Variants in PLEKHH2 observed in about 807,000 individuals in gnomAD.
The protein encoded by PLEKHH2 is pleckstrin homology domain-containing family H member 2.
Under a neutral mutation model 187.9 loss-of-function variants are expected in PLEKHH2, and 129 were observed. The ratio of observed to expected loss-of-function variants is 0.69; its 90% CI spans 0.59 to 0.79. The LOEUF is 0.79. Among genes scored for constraint, PLEKHH2 ranks in the 30% least tolerant of loss-of-function variants. The pLI is 0.00. For synonymous variants in PLEKHH2, 686 were observed against 605.6 expected, an observed-to-expected ratio of 1.13 and a Z score of -1.95; for missense variants, 2,076 against 1,751.2, an observed-to-expected ratio of 1.19 and a Z score of -3.31.
intron 24 of PLEKHH2, among the ~76,000 whole-genome samples, chr2:43,747,846 A>G (rs1671842409): frequency 6.6e-6 from 1 of 152,228 alleles, no homozygotes; most frequent in Non-Finnish European, 1.5e-5. Flanking sequence ...TAAGAATTGA[A>G]GGCACTGTAC....
intron 14 of PLEKHH2, 102 bp from the exon 15 acceptor site, chr2:43,712,123 G>T (rs1372778079): frequency 1.4e-6 from 2 of 1,421,420 alleles, no homozygotes; most frequent in African/African-American, 1.4e-5. Context: ...TAGCATGTTT[G>T]CTTCTGTGTT....
chr2:43,648,180 TTTTGTTTG>T (rs927200488), intron 2 of PLEKHH2, among the ~76,000 whole-genome samples: 38 of 151,966 alleles, frequency 2.5e-4, no homozygotes, highest in Non-Finnish European at 4.6e-4. Flanking sequence ...TTCTGGTTTT[TTTTGTTTG>T]TTTGTTTGTT....
chr2:43,694,779 T>C (rs1669007673), intron 5 of PLEKHH2, among the ~76,000 whole-genome samples: 1 of 152,176 alleles, frequency 6.6e-6, no homozygotes, highest in South Asian at 2.1e-4. Context: ...TTTCAAATAA[T>C]AATAGGACAT....
chr2:43,659,345 C>T (rs558538538), intron 2 of PLEKHH2, among the ~76,000 whole-genome samples: 1 of 151,804 alleles, frequency 6.6e-6, no homozygotes, highest in Non-Finnish European at 1.5e-5. Flanking sequence ...TTGTTTAACA[C>T]CTCCCTGCTG....
intron 2 of PLEKHH2, among the ~76,000 whole-genome samples, chr2:43,645,974 T>C (rs1239527016): frequency 1.3e-5 from 2 of 152,136 alleles, no homozygotes; most frequent in Non-Finnish European, 2.9e-5. Flanking sequence ...TAGTACAGAA[T>C]TATTATAATA....
In PLEKHH2 at chr2:43,712,370, G is replaced by T; in HGVS notation, c.2447G>T (p.Gly816Val). 1 of 1,614,076 alleles carries T rather than the reference G, an allele frequency of 6.2e-7. No homozygotes were observed. The highest frequency in any genetic ancestry group is 8.5e-7 in the Non-Finnish European group (1 of 1,180,004). The change falls in exon 15 of 30, where the codon GGA becomes GTA. Residue 816 changes from glycine to valine, a missense_variant. Physicochemically the swap from Gly to Val is moderately radical, Grantham distance 109. Transcript: ENST00000282406. ...LQPEGKPTMKGLLTKVKHGYS... is the reference protein window; with the variant it reads ...LQPEGKPTMKVLLTKVKHGYS... ...CCTGAGGGCAAACCCACCATGAAGG[G>T]ATTGCTCACTAAGGTAGGAACCTCC...
intron 1 of PLEKHH2, among the ~76,000 whole-genome samples, chr2:43,643,418 T>A (rs1293517279): frequency 6.6e-6 from 1 of 152,114 alleles, no homozygotes. Context: ...ATTTCTAACG[T>A]ACTGAATATT....
At chr2:43,682,580 C>G (rs535570913) in intron 3 of PLEKHH2, among the ~76,000 whole-genome samples, 2 of 152,298 alleles carry the variant, frequency 1.3e-5, no homozygotes, top group East Asian at 3.9e-4. Context: ...GCTGGGATTA[C>G]AGGCATGAGC....
At chr2:43,684,004 TAC>T (rs1402760342) in intron 3 of PLEKHH2, among the ~76,000 whole-genome samples, 1 of 152,226 alleles carries the variant, frequency 6.6e-6, no homozygotes, top group Admixed American at 6.5e-5. Context: ...ACCAGAGTGG[TAC>T]ATTTATTACA....
At chr2:43,703,407 ACTTTAGGTATCT>A (rs1669485921) in intron 8 of PLEKHH2, among the ~76,000 whole-genome samples, 1 of 152,208 alleles carries the variant, frequency 6.6e-6, no homozygotes, top group African/African-American at 2.4e-5. Flanking sequence ...TTCTTGTTTG[ACTTTAGGTATCT>A]CTTCTACTTG....
In PLEKHH2 at chr2:43,700,130, A is replaced by T. The variant is rs1244328839; in HGVS notation, c.1172A>T (p.Gln391Leu). ...TCGGATGAACTGAATAAAAAATTTC[A>T]ATCCCAGAGACTCGATTATTCATCT... is the stretch of plus-strand genomic sequence containing the variant. ...SSSDELNKKF[Q>L]SQRLDYSSSS... The change falls in exon 8 of 30, where the codon CAA (glutamine) becomes CTA (leucine). Residue 391 changes from glutamine (Q) to leucine (L), a missense_variant. Gln to Leu is a moderately radical substitution (Grantham distance 113). Coordinates refer to ENST00000282406, the MANE Select transcript of PLEKHH2 (RefSeq NM_172069.4). 1 of 1,614,226 alleles carries T rather than the reference A, an allele frequency of 6.2e-7. No homozygotes were observed. Among genetic ancestry groups the T allele is most frequent in the Admixed American group, 1.7e-5 (1 of 60,030 alleles).
Position 43,765,687 on chromosome 2 carries a change from C to A in PLEKHH2, c.*89C>A. On this transcript the variant is annotated 3_prime_UTR_variant, in exon 30 of 30. Coordinates refer to ENST00000282406, the MANE Select transcript of PLEKHH2 (RefSeq NM_172069.4). ...AGTTCGTTTACACCTGGCAGCACGGCAGCCACACACCGGTATTCCAAACCT... is the reference window on the plus strand; with the variant it reads ...AGTTCGTTTACACCTGGCAGCACGGAAGCCACACACCGGTATTCCAAACCT... 1 of 1,260,444 alleles carries A rather than the reference C, an allele frequency of 7.9e-7. No homozygotes were observed. The highest frequency in any genetic ancestry group is 1.1e-6 in the Non-Finnish European group (1 of 919,814). 78.1% of individuals were successfully genotyped at this position (1,260,444 alleles called of 1,614,324 possible).
intron 14 of PLEKHH2, chr2:43,710,811 C>T (rs1200833452): frequency 2.7e-5 from 34 of 1,280,138 alleles, no homozygotes; most frequent in Admixed American, 3.9e-5. Context: ...CCTTTATACT[C>T]TTCTTTCCTC....
At chr2:43,676,489 G>A (rs776039276) in intron 2 of PLEKHH2, among the ~76,000 whole-genome samples, 1 of 151,864 alleles carries the variant, frequency 6.6e-6, no homozygotes, top group Non-Finnish European at 1.5e-5. Context: ...AGCGGGACGC[G>A]GCGGCCACTG....
Position 43,738,333 on chromosome 2 carries a change from TAA to T in PLEKHH2, c.2944-7_2944-6del. ...CACCTTGAATATATCTTTTTTTGTTTAATTCAGACCTGCCAGCTTTTTATAAA... is the reference window on the plus strand; with the variant it reads ...CACCTTGAATATATCTTTTTTTGTTTTTCAGACCTGCCAGCTTTTTATAAA... On this transcript the variant is annotated splice_polypyrimidine_tract_variant and splice_region_variant and intron_variant, in intron 19 of 29. Transcript: ENST00000282406. 1 of 1,595,770 alleles carries T rather than the reference TAA, an allele frequency of 6.3e-7. No individual in the cohort carries two copies. Among genetic ancestry groups the T allele is most frequent in the African/African-American group, 1.3e-5 (1 of 74,438 alleles).
At chr2:43,666,502 A>T (rs1260242163) in intron 2 of PLEKHH2, among the ~76,000 whole-genome samples, 1 of 152,030 alleles carries the variant, frequency 6.6e-6, no homozygotes, top group Non-Finnish European at 1.5e-5. Context: ...TCCTCCCCCA[A>T]CATATGTTTA....
intron 8 of PLEKHH2, 42 bp from the exon 9 acceptor site, chr2:43,703,939 T>G: frequency 2.1e-6 from 1 of 475,866 alleles, no homozygotes; most frequent in Non-Finnish European, 3.4e-6. Context: ...TTTTTTTTTT[T>G]TTGCTTTAAA....
intron 29 of PLEKHH2, among the ~76,000 whole-genome samples, chr2:43,764,987 T>A (rs1284219477): frequency 6.6e-6 from 1 of 152,256 alleles, no homozygotes; most frequent in East Asian, 1.9e-4. Flanking sequence ...ACAAAATAGA[T>A]GTCTTTCTTA....
chr2:43,650,536 T>C (rs964808316), intron 2 of PLEKHH2, among the ~76,000 whole-genome samples: 11 of 152,248 alleles, frequency 7.2e-5, no homozygotes, highest in Non-Finnish European at 1.5e-4. Flanking sequence ...ATGAATATTG[T>C]CTGCATTGCT....
Sources: gnomAD v4.1 joint callset for allele counts (sites outside exome capture counted in the v4.1 genomes callset) on GRCh38, gnomAD v4.1.1 for gene constraint, MANE v1.5 for transcripts, NCBI Gene and HGNC (gene_info 2026-07-23, HGNC 2026-07-21) for gene names.